ANKS1B: variants seen among roughly 807,000 people sequenced by gnomAD.
The protein encoded by ANKS1B is ankyrin repeat and sterile alpha motif domain containing 1B, also known as ankyrin repeat and sterile alpha motif domain-containing protein 1B.
Under a neutral mutation model 148.3 loss-of-function variants are expected in ANKS1B, and 36 were observed. That is an observed-to-expected ratio of 0.24 (90% CI 0.19 to 0.32). The LOEUF (loss-of-function observed/expected upper bound fraction) is 0.32. ANKS1B is among the 10% of genes least tolerant of loss of function. ANKS1B has a pLI of 1.00. For synonymous variants in ANKS1B, 542 were observed against 560.8 expected, an observed-to-expected ratio of 0.97 and a Z score of 0.47; for missense variants, 1,157 against 1,542.6, an observed-to-expected ratio of 0.75 and a Z score of 4.19.
intron 17 of ANKS1B, among the ~76,000 whole-genome samples, chr12:98,964,910 G>T (rs946185613): frequency 1.1e-4 from 16 of 152,132 alleles, no homozygotes; most frequent in African/African-American, 3.9e-4. Flanking sequence ...TCTAGTATTT[G>T]ATAGCACAAC....
intron 17 of ANKS1B, among the ~76,000 whole-genome samples, chr12:98,844,627 T>C (rs1407472855): frequency 1.3e-5 from 2 of 152,224 alleles, no homozygotes; most frequent in Non-Finnish European, 2.9e-5. Flanking sequence ...AAGTCTTTCA[T>C]TATCTGCAAG....
intron 8 of ANKS1B, among the ~76,000 whole-genome samples, chr12:99,693,469 C>G (rs1441302310): frequency 6.6e-6 from 1 of 152,028 alleles, no homozygotes; most frequent in Non-Finnish European, 1.5e-5. Context: ...CAGCTGGGGT[C>G]AAGAGATTTT....
At chr12:98,879,913 C>A (rs2099702368) in intron 17 of ANKS1B, among the ~76,000 whole-genome samples, 1 of 152,176 alleles carries the variant, frequency 6.6e-6, no homozygotes, top group African/African-American at 2.4e-5. Flanking sequence ...ATTACCCTCA[C>A]CATCAGCCAA....
At chr12:99,982,583 T>C (rs889893304) in intron 1 of ANKS1B, among the ~76,000 whole-genome samples, 12 of 152,208 alleles carry the variant, frequency 7.9e-5, no homozygotes, top group African/African-American at 2.9e-4. Flanking sequence ...GTTGTTATTT[T>C]ACGTGTAACT....
chr12:99,683,795 T>C (rs1041438276), intron 8 of ANKS1B, among the ~76,000 whole-genome samples: 9 of 151,534 alleles, frequency 5.9e-5, no homozygotes, highest in Non-Finnish European at 8.8e-5. Flanking sequence ...GTGGGTTTCA[T>C]ACCAGGGATG....
intron 14 of ANKS1B, among the ~76,000 whole-genome samples, chr12:99,214,146 T>C (rs1261070823): frequency 6.6e-6 from 1 of 152,120 alleles, no homozygotes; most frequent in East Asian, 1.9e-4. Context: ...GTCTAAATAA[T>C]ATGTTAGCAC....
chr12:99,057,141 A>G (rs778775163), intron 16 of ANKS1B, among the ~76,000 whole-genome samples: 28 of 152,198 alleles, frequency 1.8e-4, no homozygotes, highest in Non-Finnish European at 2.8e-4. Context: ...TTGGAATATG[A>G]CATTCCCAGC....
At chr12:99,906,329 C>G (rs796247653) in intron 1 of ANKS1B, among the ~76,000 whole-genome samples, 1 of 152,194 alleles carries the variant, frequency 6.6e-6, no homozygotes, top group South Asian at 2.1e-4. Context: ...CTCTGTTACC[C>G]AAAATTCACT....
intron 14 of ANKS1B, among the ~76,000 whole-genome samples, chr12:99,178,804 G>T (rs1409048112): frequency 6.6e-6 from 1 of 152,042 alleles, no homozygotes; most frequent in East Asian, 1.9e-4. Flanking sequence ...TGTAGTTTTA[G>T]ACGTGCTTTA....
At chr12:99,631,650 T>C (rs2098162271) in intron 9 of ANKS1B, among the ~76,000 whole-genome samples, 2 of 152,214 alleles carry the variant, frequency 1.3e-5, no homozygotes, top group African/African-American at 2.4e-5. Flanking sequence ...ACTATGTTAA[T>C]GCTGAGGGCT....
chr12:99,213,888 A>G (rs185901381), intron 14 of ANKS1B, among the ~76,000 whole-genome samples: 9 of 152,292 alleles, frequency 5.9e-5, no homozygotes, highest in Admixed American at 1.3e-4. Context: ...AGCTCTATGT[A>G]ATTACAAAGC....
At chr12:98,955,070 C>T (rs1025778387) in intron 17 of ANKS1B, among the ~76,000 whole-genome samples, 6 of 151,950 alleles carry the variant, frequency 3.9e-5, no homozygotes, top group African/African-American at 1.2e-4. Flanking sequence ...GGATAAATCA[C>T]GCATTAAAAT....
chr12:99,962,162 G>A (rs1470939489), intron 1 of ANKS1B, among the ~76,000 whole-genome samples: 1 of 152,074 alleles, frequency 6.6e-6, no homozygotes, highest in Non-Finnish European at 1.5e-5. Flanking sequence ...ATGGTGGTTT[G>A]CTGCACCTAT....
chr12:99,706,206 C>T (rs2055742715), intron 8 of ANKS1B, among the ~76,000 whole-genome samples: 1 of 151,660 alleles, frequency 6.6e-6, no homozygotes, highest in Non-Finnish European at 1.5e-5. Context: ...TAGATAATGT[C>T]TAAAACTGAA....
intron 8 of ANKS1B, among the ~76,000 whole-genome samples, chr12:99,698,337 C>T (rs574987984): frequency 4.8e-4 from 73 of 152,176 alleles, no homozygotes; most frequent in African/African-American, 1.6e-3. Context: ...CCTTGAATTT[C>T]ACTTGGTAAA....
At chr12:98,831,985 TTAAGA>T (rs758224023) in intron 18 of ANKS1B, 39 bp downstream of exon 18, 4 of 1,515,220 alleles carry the variant, frequency 2.6e-6, no homozygotes, top group African/African-American at 1.4e-5. Context: ...CAAATAGTTC[TTAAGA>T]TAAGGGCAGA....
intron 12 of ANKS1B, among the ~76,000 whole-genome samples, chr12:99,375,112 C>T (rs1228860053): frequency 3.3e-5 from 5 of 152,174 alleles, no homozygotes; most frequent in Admixed American, 1.3e-4. Context: ...TAAGATAATC[C>T]GTTAGTTGAG....
At chr12:99,240,250 C>A (rs1403177987) in intron 14 of ANKS1B, among the ~76,000 whole-genome samples, 1 of 152,096 alleles carries the variant, frequency 6.6e-6, no homozygotes, top group African/African-American at 2.4e-5. Context: ...CAAAAAAAAG[C>A]ACGGATTGCA....
chr12:99,952,759 C>T (rs921675642), intron 1 of ANKS1B, among the ~76,000 whole-genome samples: 18 of 152,196 alleles, frequency 1.2e-4, no homozygotes, highest in Admixed American at 3.3e-4. Context: ...TCTATAGGGA[C>T]TTCAGAAAAT....
Sources: gnomAD v4.1 joint callset for allele counts (sites outside exome capture counted in the v4.1 genomes callset) on GRCh38, gnomAD v4.1.1 for gene constraint, MANE v1.5 for transcripts, NCBI Gene and HGNC (gene_info 2026-07-23, HGNC 2026-07-21) for gene names.